The following ALDH1A2 variants were observed in gnomAD, a reference collection of about 807,000 sequenced individuals.
ALDH1A2 encodes the protein retinal dehydrogenase 2.
In ALDH1A2, 27 loss-of-function variants were observed where a neutral mutation model predicts 60.3. The ratio of observed to expected loss-of-function variants is 0.45; its 90% CI spans 0.33 to 0.62. The LOEUF (loss-of-function observed/expected upper bound fraction) is 0.62, where lower values mean the gene tolerates loss of function less well. ALDH1A2 is among the 20% of genes least tolerant of loss of function. The pLI is 0.02. For missense variants in ALDH1A2, 581 were observed against 643.8 expected (o/e 0.90, Z 1.06); for synonymous variants, 289 against 232.4 (o/e 1.24, Z -2.21).
intron 7 of ALDH1A2, among the ~76,000 whole-genome samples, chr15:57,984,521 A>G (rs74017093): frequency 1.4e-3 from 217 of 152,328 alleles, no homozygotes; most frequent in African/African-American, 5.0e-3. Flanking sequence ...TTCCATCAGC[A>G]GTCACTTTCC....
At chr15:58,000,071 G>C (rs1446614932) in intron 4 of ALDH1A2, among the ~76,000 whole-genome samples, 3 of 151,908 alleles carry the variant, frequency 2.0e-5, no homozygotes, top group African/African-American at 7.3e-5. Context: ...GGTGGGGGAA[G>C]GCAGAATATC....
intron 4 of ALDH1A2, among the ~76,000 whole-genome samples, chr15:58,008,981 G>C (rs1294934681): frequency 1.3e-5 from 2 of 152,044 alleles, no homozygotes; most frequent in African/African-American, 4.8e-5. Flanking sequence ...TTCCCCAAGG[G>C]CAATCTTCTC....
intron 1 of ALDH1A2, among the ~76,000 whole-genome samples, chr15:58,036,920 A>G (rs1223275701): frequency 6.6e-6 from 1 of 151,742 alleles, no homozygotes; most frequent in Non-Finnish European, 1.5e-5. Context: ...GGGAAGTACA[A>G]GAAAGAAACT....
intron 7 of ALDH1A2, chr15:57,990,320 T>C (rs1220452880): frequency 6.6e-6 from 1 of 152,232 alleles, no homozygotes; most frequent in South Asian, 2.1e-4. Flanking sequence ...TATACGTATA[T>C]ACATATGTGT....
At chr15:57,957,014 T>C (rs1301899498) in intron 12 of ALDH1A2, among the ~76,000 whole-genome samples, 1 of 152,210 alleles carries the variant, frequency 6.6e-6, no homozygotes, top group African/African-American at 2.4e-5. Flanking sequence ...CTCTGGGTCC[T>C]GAGCAGTGAT....
intron 1 of ALDH1A2, among the ~76,000 whole-genome samples, chr15:58,060,694 T>C (rs1196185051): frequency 2.6e-5 from 4 of 152,192 alleles, no homozygotes; most frequent in South Asian, 2.1e-4. Context: ...TCTGCCATTA[T>C]AGTCAGAAAG....
intron 1 of ALDH1A2, among the ~76,000 whole-genome samples, chr15:58,021,288 G>A (rs1436487845): frequency 6.6e-6 from 1 of 152,150 alleles, no homozygotes; most frequent in African/African-American, 2.4e-5. Context: ...AACCAGAACA[G>A]TATATAGACA....
At chr15:57,988,512 T>C (rs751174638) in intron 7 of ALDH1A2, among the ~76,000 whole-genome samples, 2 of 152,204 alleles carry the variant, frequency 1.3e-5, no homozygotes, top group Non-Finnish European at 2.9e-5. Flanking sequence ...GTAGATATTA[T>C]TCCATTTATA....
At chr15:58,064,756 A>G (rs150644108) in intron 1 of ALDH1A2, among the ~76,000 whole-genome samples, 78 of 152,284 alleles carry the variant, frequency 5.1e-4, no homozygotes, top group African/African-American at 1.8e-3. Flanking sequence ...GAATTTGTGG[A>G]AAGTAAATTC....
intron 1 of ALDH1A2, among the ~76,000 whole-genome samples, chr15:58,014,959 G>T (rs1895747832): frequency 6.6e-6 from 1 of 152,114 alleles, no homozygotes; most frequent in Non-Finnish European, 1.5e-5. Flanking sequence ...ATGAAATTGA[G>T]ATTAAAATGG....
intron 4 of ALDH1A2, among the ~76,000 whole-genome samples, chr15:58,010,337 A>T (rs1895589836): frequency 6.6e-6 from 1 of 152,034 alleles, no homozygotes; most frequent in African/African-American, 2.4e-5. Flanking sequence ...TCCACCCAAT[A>T]ATGCCCCTTC....
At chr15:58,025,615 C>G (rs1177758692) in intron 1 of ALDH1A2, among the ~76,000 whole-genome samples, 1 of 152,096 alleles carries the variant, frequency 6.6e-6, no homozygotes, top group Non-Finnish European at 1.5e-5. Flanking sequence ...TGAAACTATT[C>G]AAAAAAATCA....
intron 1 of ALDH1A2, among the ~76,000 whole-genome samples, chr15:58,045,687 T>C (rs1231578193): frequency 2.0e-5 from 3 of 152,022 alleles, no homozygotes; most frequent in Admixed American, 6.6e-5. Flanking sequence ...AAGCAGGAAC[T>C]GAACAATGAG....
At chr15:58,004,694 T>TGTGTGTGTGTGTGTGTGG in intron 4 of ALDH1A2, among the ~76,000 whole-genome samples, 1 of 9,756 alleles carries the variant, frequency 1.0e-4, no homozygotes, top group Non-Finnish European at 8.0e-4. Context: ...TCCCATGATT[T>TGTGTGTGTGTGTGTGTGG]GTGTGTGTGC....
intron 4 of ALDH1A2, among the ~76,000 whole-genome samples, chr15:58,008,406 G>T (rs1266168881): frequency 6.6e-6 from 1 of 151,990 alleles, no homozygotes; most frequent in African/African-American, 2.4e-5. Context: ...GCATCCACAG[G>T]ATCTCCAAAA....
At chr15:57,985,876 A>C (rs1218651140) in intron 7 of ALDH1A2, among the ~76,000 whole-genome samples, 2 of 152,244 alleles carry the variant, frequency 1.3e-5, no homozygotes, top group Non-Finnish European at 2.9e-5. Flanking sequence ...AAAAGGAGTT[A>C]CTTATGAGAG....
chr15:58,044,239 A>G (rs1216392461), intron 1 of ALDH1A2, among the ~76,000 whole-genome samples: 1 of 151,874 alleles, frequency 6.6e-6, no homozygotes, highest in East Asian at 1.9e-4. Context: ...TGCTGCACCT[A>G]TCAACCTGTC....
chr15:57,989,091 G>A (rs1894808507), intron 7 of ALDH1A2, among the ~76,000 whole-genome samples: 1 of 152,190 alleles, frequency 6.6e-6, no homozygotes, highest in Admixed American at 6.5e-5. Context: ...AGCGGTTTCA[G>A]GGAGCCGAGA....
At chr15:58,051,639 A>C (rs1469792475) in intron 1 of ALDH1A2, among the ~76,000 whole-genome samples, 1 of 152,162 alleles carries the variant, frequency 6.6e-6, no homozygotes, top group Non-Finnish European at 1.5e-5. Flanking sequence ...CAGAATGTCA[A>C]CTTCATTTGC....
Sources: gnomAD v4.1 joint callset for allele counts (sites outside exome capture counted in the v4.1 genomes callset) on GRCh38, gnomAD v4.1.1 for gene constraint, MANE v1.5 for transcripts, NCBI Gene and HGNC (gene_info 2026-07-23, HGNC 2026-07-21) for gene names.